The following TBCA variants were observed in gnomAD, a reference collection of about 807,000 sequenced individuals.
TBCA encodes the protein tubulin-specific chaperone A.
Under a neutral mutation model 15.8 loss-of-function variants are expected in TBCA, and 6 were observed. The observed-to-expected ratio is 0.38, with a 90% confidence interval of 0.21 to 0.75. The LOEUF is 0.75. Ranked by LOEUF, TBCA falls within the 30% of genes least tolerant of loss-of-function variation. TBCA has a pLI of 0.46. For synonymous variants in TBCA, 32 were observed against 42.3 expected (o/e 0.76, Z 0.94); for missense variants, 90 against 131.2 (o/e 0.69, Z 1.53).
intron 1 of TBCA, among the ~76,000 whole-genome samples, chr5:77,726,673 G>T (rs975789070): frequency 6.6e-6 from 1 of 151,630 alleles, no homozygotes; most frequent in African/African-American, 2.4e-5. Flanking sequence ...CACTTCCCCA[G>T]CTTCCAGTTT....
At chr5:77,694,473 A>G (rs1452978740) in intron 2 of TBCA, among the ~76,000 whole-genome samples, 4 of 152,202 alleles carry the variant, frequency 2.6e-5, no homozygotes, top group Admixed American at 6.5e-5. Context: ...AAAAAATCAA[A>G]TCAATGACAG....
chr5:77,751,134 C>G (rs71632940), intron 1 of TBCA, among the ~76,000 whole-genome samples: 1 of 148,686 alleles, frequency 6.7e-6, no homozygotes, highest in Admixed American at 6.7e-5. Flanking sequence ...GTTCCCATTA[C>G]GGCCTGACCA....
rs1489054272 is a variant in TBCA, at chr5:77,750,149, T to TAGAG, written c.53+26052_53+26055dup. ...AATTTGTGCTCTCTCTCTATATATA[T>TAGAG]AGAGAGAGAGCACAAATATATATAT... On this transcript the variant is annotated intron_variant, in intron 1 of 3. Coordinates refer to ENST00000380377, the MANE Select transcript of TBCA (RefSeq NM_004607.3). 1.0e-3 allele frequency among the ~76,000 whole-genome samples: 151 copies of TAGAG among 150,280 alleles called. 1 individual carries two copies. The highest frequency in any genetic ancestry group is 3.5e-3 in the African/African-American group (142 of 40,840).
intron 2 of TBCA, among the ~76,000 whole-genome samples, chr5:77,697,868 G>GCCTGTAATCCTAA (rs1223818845): frequency 3.3e-5 from 5 of 152,120 alleles, no homozygotes; most frequent in Non-Finnish European, 4.4e-5. Flanking sequence ...CATGGCTCAT[G>GCCTGTAATCCTAA]CCTGTAATCC....
At chr5:77,714,118 C>T (rs1021911855) in intron 1 of TBCA, among the ~76,000 whole-genome samples, 3 of 151,734 alleles carry the variant, frequency 2.0e-5, no homozygotes, top group Non-Finnish European at 2.9e-5. Context: ...GTCAGGAGTT[C>T]GAGATCAGCC....
At chr5:77,751,447 GGGATTACACGCATGAGCCACC>G (rs1384637529) in intron 1 of TBCA, among the ~76,000 whole-genome samples, 1 of 151,894 alleles carries the variant, frequency 6.6e-6, no homozygotes, top group Non-Finnish European at 1.5e-5. Flanking sequence ...CTAAAGTGCT[GGGATTACACGCATGAGCCACC>G]GCGCCGGCCA....
chr5:77,768,929 CAACCAAACAAAAA>C (rs1238356710), intron 1 of TBCA, among the ~76,000 whole-genome samples: 3 of 152,090 alleles, frequency 2.0e-5, no homozygotes, highest in Admixed American at 2.0e-4. Flanking sequence ...TCAAAATTTC[CAACCAAACAAAAA>C]AATGCAATGA....
At chr5:77,730,342 G>A (rs928195034) in intron 1 of TBCA, among the ~76,000 whole-genome samples, 5 of 152,118 alleles carry the variant, frequency 3.3e-5, no homozygotes, top group Admixed American at 2.6e-4. Flanking sequence ...ACAAACCAAG[G>A]AATACCAAAC....
chr5:77,769,277 G>A (rs887771890), intron 1 of TBCA, among the ~76,000 whole-genome samples: 26 of 152,146 alleles, frequency 1.7e-4, no homozygotes, highest in African/African-American at 5.8e-4. Flanking sequence ...TAGCCATCTG[G>A]CTGAACTTAG....
At chr5:77,703,182 T>C (rs540290938) in intron 2 of TBCA, among the ~76,000 whole-genome samples, 13 of 152,340 alleles carry the variant, frequency 8.5e-5, no homozygotes, top group Non-Finnish European at 8.8e-5. Context: ...TTGTGAAAAC[T>C]CTTTTGTGAG....
chr5:77,701,762 T>TAA (rs1408288316), intron 2 of TBCA, among the ~76,000 whole-genome samples: 1 of 138,134 alleles, frequency 7.2e-6, no homozygotes, highest in African/African-American at 2.7e-5. Flanking sequence ...AGCAATGAGT[T>TAA]AATGGCATTT....
At chr5:77,712,976 G>GA (rs1323165948) in intron 1 of TBCA, among the ~76,000 whole-genome samples, 2 of 152,078 alleles carry the variant, frequency 1.3e-5, no homozygotes, top group African/African-American at 4.8e-5. Context: ...ATGTGTGTGT[G>GA]AAAATTTATA....
intron 3 of TBCA, chr5:77,692,247 G>A (rs1270022172): frequency 2.0e-6 from 2 of 985,100 alleles, no homozygotes; most frequent in African/African-American, 3.5e-5. Context: ...TAAAGTATGT[G>A]TGTATTTAAT....
chr5:77,747,727 C>G (rs1165661366), intron 1 of TBCA, among the ~76,000 whole-genome samples: 2 of 152,060 alleles, frequency 1.3e-5, no homozygotes, highest in Non-Finnish European at 2.9e-5. Context: ...TCTGCTTCTT[C>G]TTATTCTATT....
At chr5:77,707,084 G>GTT (rs1746167132) in intron 2 of TBCA, among the ~76,000 whole-genome samples, 1 of 151,896 alleles carries the variant, frequency 6.6e-6, no homozygotes, top group Non-Finnish European at 1.5e-5. Flanking sequence ...CAAGGTGAAA[G>GTT]TGGTAACTTG....
At chr5:77,776,023 C>T (rs1580145535) in intron 1 of TBCA, among the ~76,000 whole-genome samples, 182 bp downstream of exon 1, 1 of 152,116 alleles carries the variant, frequency 6.6e-6, no homozygotes, top group Admixed American at 6.5e-5. Context: ...GCGAGGCTGG[C>T]GGGCTCGGGC....
rs1047972013 is a variant in TBCA at position 77,753,036 on chromosome 5, A to G, written c.53+23169T>C. Among the ~76,000 whole-genome samples, 8 of 152,128 alleles carry G rather than the reference A, an allele frequency of 5.3e-5. 1 individual carries two copies. Among genetic ancestry groups the G allele is most frequent in the Non-Finnish European group, 8.8e-5 (6 of 68,024 alleles). ...AAAGCAACTCTTAAAAAAAAATTAC[A>G]TTTTCTTTAGCAAAATCCACATCCT... On this transcript the variant is annotated intron_variant, in intron 1 of 3. Coordinates refer to ENST00000380377, the MANE Select transcript of TBCA (RefSeq NM_004607.3).
intron 1 of TBCA, among the ~76,000 whole-genome samples, chr5:77,722,820 T>C (rs1231297732): frequency 6.6e-6 from 1 of 151,808 alleles, no homozygotes; most frequent in Non-Finnish European, 1.5e-5. Flanking sequence ...TGTTCAAAAT[T>C]TCCAATTTAT....
intron 1 of TBCA, among the ~76,000 whole-genome samples, chr5:77,765,881 C>CAAAAAAAAAAAAAAAAAA (rs70997944): frequency 3.1e-5 from 4 of 130,414 alleles, no homozygotes; most frequent in African/African-American, 6.1e-5. Flanking sequence ...AAACTAGGGC[C>CAAAAAAAAAAAAAAAAAA]AAAAAAAAAA....
Sources: allele counts gnomAD v4.1 joint callset (sites outside exome capture counted in the v4.1 genomes callset), GRCh38; gene constraint gnomAD v4.1.1; transcripts MANE v1.5; gene names NCBI Gene and HGNC (gene_info 2026-07-23, HGNC 2026-07-21).